The following PTPRG variants were observed in gnomAD, a reference collection of about 807,000 sequenced individuals.
PTPRG encodes the protein protein tyrosine phosphatase receptor type G, also known as receptor-type tyrosine-protein phosphatase gamma.
A neutral mutation model predicts 165.3 loss-of-function variants in PTPRG; 102 were observed. That is an observed-to-expected ratio of 0.62 (90% CI 0.53 to 0.73). The LOEUF is 0.73. Among genes scored for constraint, PTPRG ranks in the 30% least tolerant of loss-of-function variants. PTPRG has a pLI of 0.00. For synonymous variants in PTPRG, 675 were observed against 669.5 expected (o/e 1.01, Z -0.13); for missense variants, 1,866 against 1,861.4 (o/e 1.00, Z -0.05).
intron 2 of PTPRG, among the ~76,000 whole-genome samples, chr3:61,840,053 A>G (rs1256295593): frequency 6.6e-6 from 1 of 152,226 alleles, no homozygotes; most frequent in Non-Finnish European, 1.5e-5. Flanking sequence ...ATTTATGTAT[A>G]CACTTATAGT....
intron 1 of PTPRG, among the ~76,000 whole-genome samples, chr3:61,670,624 G>GA: frequency 6.6e-6 from 1 of 152,198 alleles, no homozygotes; most frequent in East Asian, 1.9e-4. Context: ...TCTCTGACAC[G>GA]AAATAGAAAC....
chr3:62,224,408 A>G lies in PTPRG; in HGVS notation c.2288+5425A>G, dbSNP rs1395206546. Among the ~76,000 whole-genome samples, 1 of 152,120 alleles carries G rather than the reference A, an allele frequency of 6.6e-6. No homozygotes were observed. Among genetic ancestry groups the G allele is most frequent in the African/African-American group, 2.4e-5 (1 of 41,406 alleles). The stretch of plus-strand genomic sequence containing the variant: ...TATCTCCCAAACTGGTGTAGCAGGG[A>G]TAGAGAAGTTGAGGAGGCACCAAGC... On this transcript the variant is annotated intron_variant, in intron 13 of 29. Coordinates refer to ENST00000474889, the MANE Select transcript of PTPRG (RefSeq NM_002841.4). The surrounding 1 kb of genome is among the most constrained non-coding windows in gnomAD (Gnocchi z 4.9).
intron 2 of PTPRG, among the ~76,000 whole-genome samples, chr3:61,952,371 G>A (rs573953670): frequency 1.3e-5 from 2 of 152,208 alleles, no homozygotes; most frequent in Non-Finnish European, 2.9e-5. Flanking sequence ...CCACACCAAA[G>A]CTTTGAATGA....
rs745595266 is a variant in PTPRG, at chr3:61,888,322, G to GTTTTTTT, written c.191-101301_191-101295dup. Reference sequence around the variant, plus strand: ...TATTTCTGTTCTAGGAAAATGGGTTGTTTTTTTTGTTTGTTTGTTTGTTGT... The same window carrying GTTTTTTT: ...TATTTCTGTTCTAGGAAAATGGGTTGTTTTTTTTTTTTTTTGTTTGTTTGTTTGTTGT... On this transcript the variant is annotated intron_variant, in intron 2 of 29. Transcript: ENST00000474889. Among the ~76,000 whole-genome samples, 953 of 149,466 alleles carry GTTTTTTT rather than the reference G, an allele frequency of 6.4e-3. 13 individuals carry two copies. Among genetic ancestry groups the GTTTTTTT allele is most frequent in the African/African-American group, 0.023 (899 of 39,502 alleles).
intron 2 of PTPRG, among the ~76,000 whole-genome samples, chr3:61,875,783 A>G (rs2037723501): frequency 6.6e-6 from 1 of 152,142 alleles, no homozygotes; most frequent in African/African-American, 2.4e-5. Context: ...TTGCAGAGGC[A>G]GTTGGATATA....
chr3:61,812,303 C>G (rs1476908276), intron 2 of PTPRG, among the ~76,000 whole-genome samples: 2 of 151,960 alleles, frequency 1.3e-5, no homozygotes, highest in Non-Finnish European at 2.9e-5. Context: ...TTCATTCATT[C>G]ATTCATTTTG....
rs72885900 is a variant in PTPRG, at chr3:61,986,117, A to G, written c.191-3508A>G. The stretch of plus-strand genomic sequence containing the variant: ...TTGAACAATCATATTTAATACGACA[A>G]TCATCATATTTAATATGATTGAATC... On this transcript the variant is annotated intron_variant, in intron 2 of 29. Transcript: ENST00000474889. Among the ~76,000 whole-genome samples the G allele has an allele frequency of 3.5e-3, 528 of 152,228 alleles. 4 individuals carry two copies. The highest frequency in any genetic ancestry group is 0.012 in the African/African-American group (497 of 41,526).
At chr3:61,659,039 C>T (rs1702589067) in intron 1 of PTPRG, among the ~76,000 whole-genome samples, 2 of 112,566 alleles carry the variant, frequency 1.8e-5, no homozygotes, top group Admixed American at 9.5e-5. Flanking sequence ...CTGTTTTCTC[C>T]TGCCCCTGCC....
chr3:61,659,164 C>A, intron 1 of PTPRG: 1 of 453,968 alleles, frequency 2.2e-6, no homozygotes, highest in Non-Finnish European at 2.9e-6. Flanking sequence ...GGCCTTTTGC[C>A]ATGGCCTGAT....
chr3:62,069,708 A>G (rs6762577), intron 4 of PTPRG, among the ~76,000 whole-genome samples: 107,888 of 147,896 alleles, frequency 0.73, 40,341 homozygotes, highest in Non-Finnish European at 0.79. Context: ...ACGCACACAC[A>G]CACACACATG....
intron 8 of PTPRG, among the ~76,000 whole-genome samples, chr3:62,188,179 G>T (rs74567019): frequency 0.085 from 12,980 of 152,202 alleles, 818 homozygotes; most frequent in East Asian, 0.35. Context: ...TTCAAGACCA[G>T]CATGGGCAAC....
chr3:62,191,392 G>T (rs148943721), intron 8 of PTPRG, 77 bp from the exon 9 acceptor site: 2 of 1,387,288 alleles, frequency 1.4e-6, no homozygotes, highest in African/African-American at 2.9e-5. Flanking sequence ...ACTTTTTGAG[G>T]CTGCAGTCCT....
intron 1 of PTPRG, among the ~76,000 whole-genome samples, chr3:61,663,875 C>G (rs6789262): frequency 0.26 from 39,661 of 151,956 alleles, 5,169 homozygotes; most frequent in East Asian, 0.31. Flanking sequence ...AGAGCTCAGG[C>G]AGTAATGCTC....
rs190473940 is a variant in PTPRG, at chr3:61,656,315, T to C, written c.86-92563T>C. Among the ~76,000 whole-genome samples, 3 of 152,246 alleles carry C rather than the reference T, an allele frequency of 2.0e-5. No homozygotes were observed. The East Asian group carries it at 5.8e-4, about 29-fold the overall frequency. On this transcript the variant is annotated intron_variant, in intron 1 of 29. Transcript: ENST00000474889. ...AGCATCCCTCATTTGATGCAGAAGG[T>C]GAGGTGACACAGAAGTGGTCTCTGT...
At chr3:61,655,255 C>G (rs543554617) in intron 1 of PTPRG, among the ~76,000 whole-genome samples, 20 of 152,298 alleles carry the variant, frequency 1.3e-4, no homozygotes, top group Non-Finnish European at 2.5e-4. Context: ...GATTTCCTCT[C>G]TCTTCTTTGT....
chr3:62,132,531 G>T lies in PTPRG; in HGVS notation c.616-71G>T, dbSNP rs1703554672. ...CATTCTATTCTCCCCCTTCTCTTTAGAAGATTAAACTGAGACTGTTGTGCC... is the reference window on the plus strand; with the variant it reads ...CATTCTATTCTCCCCCTTCTCTTTATAAGATTAAACTGAGACTGTTGTGCC... On this transcript the variant is annotated intron_variant, in intron 5 of 29. Coordinates refer to ENST00000474889, the MANE Select transcript of PTPRG (RefSeq NM_002841.4). The T allele has an allele frequency of 9.7e-6, 12 of 1,232,666 alleles. No individual in the cohort carries two copies. In the South Asian group the frequency reaches 1.4e-4, roughly 15 times the overall value. 76.4% of individuals were successfully genotyped at this position (1,232,666 alleles called of 1,614,324 possible).
At chr3:61,631,483 A>G (rs1279544877) in intron 1 of PTPRG, among the ~76,000 whole-genome samples, 1 of 152,232 alleles carries the variant, frequency 6.6e-6, no homozygotes, top group Non-Finnish European at 1.5e-5. Flanking sequence ...TGCCTAATTT[A>G]TAAATTAAAC....
At position 62,297,309 on chromosome 3, in the gene PTPRG, C is replaced by CCAA. The variant is rs1487971831; in HGVS notation, c.*4005_*4007dup. 2 of 151,942 alleles carry CCAA rather than the reference C, an allele frequency of 1.3e-5. No individual in the cohort carries two copies. Among genetic ancestry groups the CCAA allele is most frequent in the African/African-American group, 4.8e-5 (2 of 41,396 alleles). 9.4% of individuals were successfully genotyped at this position (151,942 alleles called of 1,614,324 possible). A position where few individuals can be genotyped will look rare whatever the true frequency, so the allele number is the denominator to read the frequency against. ...AACCATCTTTACATTCCAAAAGAAT[C>CCAA]CAACATGTGTTATTTCTTTGAGGCA... On this transcript the variant is annotated 3_prime_UTR_variant, in exon 30 of 30. Coordinates refer to ENST00000474889, the MANE Select transcript of PTPRG (RefSeq NM_002841.4).
chr3:61,892,580 G>A (rs2038243357), intron 2 of PTPRG, among the ~76,000 whole-genome samples: 1 of 152,122 alleles, frequency 6.6e-6, no homozygotes, highest in African/African-American at 2.4e-5. Flanking sequence ...ACTTTGGGAG[G>A]GAGAGGCGGG....
Sources: gnomAD v4.1 joint callset for allele counts (sites outside exome capture counted in the v4.1 genomes callset) on GRCh38, gnomAD v4.1.1 for gene constraint, Gnocchi (gnomAD v3.1) non-coding constraint, MANE v1.5 for transcripts, NCBI Gene and HGNC (gene_info 2026-07-23, HGNC 2026-07-21) for gene names.